The following DEF6 variants were observed in gnomAD, a reference collection of about 807,000 sequenced individuals.
The protein encoded by DEF6 is DEF6 guanine nucleotide exchange factor.
Under a neutral mutation model 80.5 loss-of-function variants are expected in DEF6, and 32 were observed. The observed-to-expected ratio is 0.40, with a 90% CI of 0.30 to 0.53. DEF6 has a LOEUF of 0.53. Among genes scored for constraint, DEF6 ranks in the 20% least tolerant of loss-of-function variants. The pLI is 0.57. For synonymous variants in DEF6, 300 were observed against 337.9 expected (o/e 0.89, Z 1.23); for missense variants, 575 against 818.7 (o/e 0.70, Z 3.63).
Position 35,318,127 on chromosome 6 carries a change from G to A in DEF6, c.917-46G>A, listed in dbSNP as rs543586313. On this transcript the variant is annotated intron_variant, in intron 6 of 10. Coordinates refer to ENST00000316637, the MANE Select transcript of DEF6 (RefSeq NM_022047.4). The surrounding 1 kb of genome is among the most constrained non-coding windows in gnomAD (Gnocchi z 5.1). ...TCGGGAAACTCCTAAGGCCCCTTTC[G>A]GGCCGTGTGCGAGGATCCTACTGAC... 94 of 1,533,338 alleles carry A rather than the reference G, an allele frequency of 6.1e-5. 1 individual carries two copies. The South Asian group carries it at 1.1e-3, about 19-fold the overall frequency. The allele number at this position is 1,533,338 out of a possible 1,614,324, so 95.0% of individuals were successfully genotyped here. A position where few individuals can be genotyped will look rare whatever the true frequency, so the allele number is the denominator to read the frequency against.
At chr6:35,315,141 A>G (rs2150388071) in intron 5 of DEF6, among the ~76,000 whole-genome samples, 1 of 152,302 alleles carries the variant, frequency 6.6e-6, no homozygotes, top group East Asian at 1.9e-4. Flanking sequence ...GTCTCTTTTT[A>G]TGCCAGTACT....
chr6:35,317,969 GAC>G lies in DEF6; in HGVS notation c.889_890del (p.Thr297AlafsTer116). The G allele has an allele frequency of 6.2e-7, 1 of 1,613,948 alleles. No individual in the cohort carries two copies. Among genetic ancestry groups the G allele is most frequent in the Non-Finnish European group, 8.5e-7 (1 of 1,179,976 alleles). ...ANRTYEMSAS[D>X]TRQRQEWTAA... ...CCGCACGTATGAGATGAGCGCCTCA[GAC>G]ACGCGCCAGCGCCAGGAGTGGACAG... On this transcript the variant is annotated frameshift_variant, in exon 6 of 11. Coordinates refer to ENST00000316637, the MANE Select transcript of DEF6 (RefSeq NM_022047.4). LOFTEE classifies it high-confidence loss of function.
rs1037686186 is a variant in DEF6 at position 35,298,064 on chromosome 6, C to T, written c.96+112C>T. ...ACTCCAGGGGCACCCAGCCATCCAG[C>T]GTCCCGGGCCTGGGGTCGGGGGGCT... On this transcript the variant is annotated intron_variant, in intron 1 of 10. Coordinates refer to ENST00000316637, the MANE Select transcript of DEF6 (RefSeq NM_022047.4). 1.5e-4 allele frequency: 146 copies of T among 972,388 alleles called. No individual in the cohort carries two copies. The African/African-American group carries it at 2.1e-3, about 14-fold the overall frequency. The allele number at this position is 972,388 out of a possible 1,614,324, so 60.2% of individuals were successfully genotyped here.
rs1791591992 is a variant in DEF6, at chr6:35,321,421, C to A, written c.*11C>A. 1 of 1,606,016 alleles carries A rather than the reference C, an allele frequency of 6.2e-7. No homozygotes were observed. The highest frequency in any genetic ancestry group is 8.5e-7 in the Non-Finnish European group (1 of 1,173,498). On this transcript the variant is annotated 3_prime_UTR_variant, in exon 11 of 11. Coordinates refer to ENST00000316637, the MANE Select transcript of DEF6 (RefSeq NM_022047.4). ...GCACCAGAAAATTAGCCTCTCTTAG[C>A]CCCTTGTTCTTCCCAATGTCATATC...
In DEF6 at chr6:35,321,316, A is replaced by G. The variant is rs762601638; in HGVS notation, c.1802A>G (p.Asn601Ser). 11 of 1,613,954 alleles carry G rather than the reference A, an allele frequency of 6.8e-6. No homozygotes were observed. The highest frequency in any genetic ancestry group is 4.0e-5 in the African/African-American group (3 of 74,900). ...AACAGGACCCCCTCGCCCAACAGCA[A>G]TGAGCAGCAGAAGTCCCTCAATGGT... ...QGNRTPSPNS[N>S]EQQKSLNGGD... The change falls in exon 11 of 11, where the codon AAT (asparagine) becomes AGT (serine). Residue 601 changes from asparagine to serine, a missense_variant. Coordinates refer to ENST00000316637, the MANE Select transcript of DEF6 (RefSeq NM_022047.4).
chr6:35,320,406 T>C (rs916504944), intron 9 of DEF6, among the ~76,000 whole-genome samples: 1 of 152,054 alleles, frequency 6.6e-6, no homozygotes, highest in Non-Finnish European at 1.5e-5. Flanking sequence ...ATATGGAACA[T>C]AGAAAGGGAA....
rs1554198302 is a variant in DEF6, at chr6:35,298,156, A to G, written c.96+204A>G. ...TGCCCACCCTCCAGAGACCTAGTGA[A>G]GTGTGTGCAGAAACCTTGCGCAGAA... On this transcript the variant is annotated intron_variant, in intron 1 of 10. Coordinates refer to ENST00000316637, the MANE Select transcript of DEF6 (RefSeq NM_022047.4). 5.9e-5 allele frequency among the ~76,000 whole-genome samples: 9 copies of G among 152,166 alleles called. No individual in the cohort carries two copies. The South Asian group carries it at 1.5e-3, about 25-fold the overall frequency.
rs559331990 is a variant in DEF6, at chr6:35,310,143, C to T, written c.238-316C>T. Among the ~76,000 whole-genome samples the T allele has an allele frequency of 1.4e-4, 21 of 152,322 alleles. No homozygotes were observed. In the South Asian group the frequency reaches 3.9e-3, roughly 29 times the overall value. ...TCCCCCTGAACTCCCCCTCCAACTC[C>T]TCCAATCTGTCACTGTGTTTCCAGG... is the stretch of plus-strand genomic sequence containing the variant. On this transcript the variant is annotated intron_variant, in intron 2 of 10. Transcript: ENST00000316637.
In DEF6 at chr6:35,312,895, T is replaced by G; in HGVS notation, c.807+123T>G. The G allele has an allele frequency of 2.5e-6, 3 of 1,206,194 alleles. No individual in the cohort carries two copies. Among genetic ancestry groups the G allele is most frequent in the Non-Finnish European group, 3.5e-6 (3 of 868,086 alleles). 74.7% of individuals were successfully genotyped at this position (1,206,194 alleles called of 1,614,324 possible). On this transcript the variant is annotated intron_variant, in intron 5 of 10. Coordinates refer to ENST00000316637, the MANE Select transcript of DEF6 (RefSeq NM_022047.4). This position sits in a 1 kb window ranked among gnomAD's most constrained non-coding sequence, Gnocchi z 6.6. ...AGCCACAGTGACACAAATTCCTGCT[T>G]AGATTAGTGTGACCCAAATATATCC...
intron 1 of DEF6, among the ~76,000 whole-genome samples, chr6:35,308,230 G>A (rs1485600045): frequency 6.6e-6 from 1 of 152,128 alleles, no homozygotes; most frequent in Non-Finnish European, 1.5e-5. Context: ...GACTAGAAAT[G>A]GGGTATAAAA....
chr6:35,312,153 C>A lies in DEF6; in HGVS notation c.424-149C>A. The stretch of plus-strand genomic sequence containing the variant: ...ATCCTCTCCCAGGTCTTTTCCCTGG[C>A]TCCATAACATTCGGTCCTCTGGCCC... On this transcript the variant is annotated intron_variant, in intron 3 of 10. Transcript: ENST00000316637. The surrounding 1 kb of genome is among the most constrained non-coding windows in gnomAD (Gnocchi z 6.6). 1 of 666,554 alleles carries A rather than the reference C, an allele frequency of 1.5e-6. No homozygotes were observed. Among genetic ancestry groups the A allele is most frequent in the Non-Finnish European group, 2.5e-6 (1 of 395,748 alleles). The allele number at this position is 666,554 out of a possible 1,614,324, so 41.3% of individuals were successfully genotyped here. A position where few individuals can be genotyped will look rare whatever the true frequency, so the allele number is the denominator to read the frequency against.
rs1292958505 is a variant in DEF6, at chr6:35,318,158, C to G, written c.917-15C>G. The G allele has an allele frequency of 2.6e-6, 4 of 1,543,686 alleles. No individual in the cohort carries two copies. The African/African-American group carries it at 5.5e-5, about 21-fold the overall frequency. ...TGTGCGAGGATCCTACTGACCCGCT[C>G]CCGCTCTTCGGCAGCCATCCAGATG... is the stretch of plus-strand genomic sequence containing the variant. On this transcript the variant is annotated splice_polypyrimidine_tract_variant and intron_variant, in intron 6 of 10. Transcript: ENST00000316637. The surrounding 1 kb of genome is among the most constrained non-coding windows in gnomAD (Gnocchi z 5.1).
intron 1 of DEF6, 37 bp from the exon 2 acceptor site, chr6:35,309,633 G>A (rs779588677): frequency 1.2e-6 from 2 of 1,603,200 alleles, no homozygotes; most frequent in Non-Finnish European, 1.7e-6. Context: ...TTTGGTTGGG[G>A]TGCAGAAAGA....
intron 1 of DEF6, among the ~76,000 whole-genome samples, chr6:35,300,203 A>G (rs1375699885): frequency 1.3e-5 from 2 of 151,710 alleles, no homozygotes; most frequent in Non-Finnish European, 2.9e-5. Context: ...TTTATTTTTT[A>G]TTTTTTAGAG....
intron 1 of DEF6, among the ~76,000 whole-genome samples, chr6:35,304,812 A>G (rs1791369042): frequency 6.6e-6 from 1 of 152,046 alleles, no homozygotes. Flanking sequence ...GCAAAAGAAT[A>G]TTATTATAGA....
At chr6:35,298,833 G>C (rs1052641102) in intron 1 of DEF6, among the ~76,000 whole-genome samples, 3 of 152,158 alleles carry the variant, frequency 2.0e-5, no homozygotes, top group Non-Finnish European at 4.4e-5. Flanking sequence ...GGGTGCCTTC[G>C]TTCACTCTGC....
chr6:35,310,531 C>T lies in DEF6; in HGVS notation c.310C>T (p.Arg104Trp), dbSNP rs779366000. Reference sequence around the variant, plus strand: ...GACGCTGACGGCCAAGAAGAACTATCGGGCAGATAGCAACGGGAACAGTAT... The same window carrying T: ...GACGCTGACGGCCAAGAAGAACTATTGGGCAGATAGCAACGGGAACAGTAT... ...CWTLTAKKNY[R>W]ADSNGNSMLS... The change falls in exon 3 of 11, where the codon CGG (arginine) becomes TGG (tryptophan). Residue 104 changes from arginine to tryptophan, a missense_variant. Physicochemically the swap from Arg to Trp is moderately radical, Grantham distance 101. Transcript: ENST00000316637. 38 of 1,614,046 alleles carry T rather than the reference C, an allele frequency of 2.4e-5. No individual in the cohort carries two copies. The highest frequency in any genetic ancestry group is 3.0e-5 in the Non-Finnish European group (35 of 1,180,030).
chr6:35,320,777 ATCAGT>A (rs1791581445), intron 9 of DEF6, 102 bp from the exon 10 acceptor site: 3 of 911,408 alleles, frequency 3.3e-6, no homozygotes, highest in Non-Finnish European at 5.1e-6. Context: ...TGGGGAGATG[ATCAGT>A]AGTCTTGGTC....
At chr6:35,305,250 A>G (rs1028834302) in intron 1 of DEF6, among the ~76,000 whole-genome samples, 7 of 150,882 alleles carry the variant, frequency 4.6e-5, no homozygotes, top group African/African-American at 1.7e-4. Flanking sequence ...GGCTCAAGCA[A>G]TTCTCCCACC....
Sources: gnomAD v4.1 joint callset for allele counts (sites outside exome capture counted in the v4.1 genomes callset) on GRCh38, gnomAD v4.1.1 for gene constraint, Gnocchi (gnomAD v3.1) non-coding constraint, MANE v1.5 for transcripts, NCBI Gene and HGNC (gene_info 2026-07-23, HGNC 2026-07-21) for gene names.